KMT2A: variants seen among roughly 807,000 people sequenced by gnomAD.
The protein encoded by KMT2A is histone-lysine N-methyltransferase 2A.
In KMT2A, 16 loss-of-function variants were observed where a neutral mutation model predicts 345.3. The ratio of observed to expected loss-of-function variants is 0.05; its 90% confidence interval spans 0.03 to 0.07. KMT2A has a LOEUF of 0.07. Ranked by LOEUF, KMT2A falls within the 10% of genes least tolerant of loss-of-function variation. The probability of loss-of-function intolerance (pLI) is 1.00; values close to 1 mark genes in which losing one functional copy is unlikely to be tolerated. For synonymous variants in KMT2A, 1,599 were observed against 1,778.6 expected, an observed-to-expected ratio of 0.90 and a Z score of 2.54; for missense variants, 3,272 against 4,841.6, an observed-to-expected ratio of 0.68 and a Z score of 9.62.
chr11:118,494,345 G>A lies in KMT2A; in HGVS notation c.5236G>A (p.Gly1746Arg). The A allele has an allele frequency of 6.2e-7, 1 of 1,611,378 alleles. No individual in the cohort carries two copies. The highest frequency in any genetic ancestry group is 8.5e-7 in the Non-Finnish European group (1 of 1,177,556). ...IIQAAINSDGGQPEIKKANSM... is the reference protein window; with the variant it reads ...IIQAAINSDGRQPEIKKANSM... ...TCAAGCAGCCATTAATTCAGATGGAGGACAGCCAGAAATTAAAAAAGCCAA... is the reference window on the plus strand; with the variant it reads ...TCAAGCAGCCATTAATTCAGATGGAAGACAGCCAGAAATTAAAAAAGCCAA... The change falls in exon 17 of 36, where the codon GGA becomes AGA. Residue 1746 changes from glycine to arginine, a missense_variant. Physicochemically the swap from Gly to Arg is moderately radical, Grantham distance 125. This residue lies in a region of KMT2A where 235 missense variants were observed against 503.4 expected (regional missense o/e 0.47). Coordinates refer to ENST00000534358, the MANE Select transcript of KMT2A (RefSeq NM_001197104.2). The surrounding 1 kb of genome is among the most constrained non-coding windows in gnomAD (Gnocchi z 5.8).
At chr11:118,465,946 A>C (rs12283467) in intron 1 of KMT2A, among the ~76,000 whole-genome samples, 181 of 152,332 alleles carry the variant, frequency 1.2e-3, no homozygotes, top group African/African-American at 4.1e-3. Flanking sequence ...ATTGTAGCCT[A>C]CAAGTGTAAA....
At position 118,503,875 on chromosome 11, in the gene KMT2A, G is replaced by C. The variant is rs142807735; in HGVS notation, c.7983G>C (p.Lys2661Asn). The change falls in exon 27 of 36, where the codon AAG becomes AAC. Residue 2661 changes from lysine (K) to asparagine (N), a missense_variant. Around this residue, in one of 27 missense-constraint regions of KMT2A, gnomAD observed 21 missense variants for 74.6 expected, o/e 0.28. Transcript: ENST00000534358. This position sits in a 1 kb window ranked among gnomAD's most constrained non-coding sequence, Gnocchi z 5.3. ...YSSSTGKKRG[K>N]RSAEGQVDGA... is the part of the protein sequence containing the mutation. The stretch of plus-strand genomic sequence containing the variant: ...GCTCAACTGGGAAGAAGCGAGGCAA[G>C]AGATCAGCTGAAGGACAGGTGGATG... 6.0e-5 allele frequency: 97 copies of C among 1,614,230 alleles called. No individual in the cohort carries two copies. In the African/African-American group the frequency reaches 1.2e-3, roughly 20 times the overall value.
At position 118,505,247 on chromosome 11, in the gene KMT2A, G is replaced by C. The variant is rs1950560997; in HGVS notation, c.9355G>C (p.Glu3119Gln). The stretch of plus-strand genomic sequence containing the variant: ...TGTTAGTTCTACACCCAGTGTGATG[G>C]AGACAAATACTTCAGTATTGGGACC... Reference protein sequence around the residue: ...SSVSSTPSVMETNTSVLGPMG... With the variant: ...SSVSSTPSVMQTNTSVLGPMG... Residue 3119 changes from glutamate to glutamine, a missense_variant, in exon 27 of 36, where the codon GAG becomes CAG. Coordinates refer to ENST00000534358, the MANE Select transcript of KMT2A (RefSeq NM_001197104.2). This position sits in a 1 kb window ranked among gnomAD's most constrained non-coding sequence, Gnocchi z 4.6. The C allele has an allele frequency of 6.2e-7, 1 of 1,614,018 alleles. No individual in the cohort carries two copies. The highest frequency in any genetic ancestry group is 1.3e-5 in the African/African-American group (1 of 74,918).
chr11:118,463,285 T>G (rs1466759758), intron 1 of KMT2A, among the ~76,000 whole-genome samples: 1 of 152,204 alleles, frequency 6.6e-6, no homozygotes, highest in Admixed American at 6.5e-5. Context: ...AATAACTTTT[T>G]ATTACCTGTT....
intron 1 of KMT2A, among the ~76,000 whole-genome samples, chr11:118,464,031 G>A (rs1949795174): frequency 6.6e-6 from 1 of 152,162 alleles, no homozygotes; most frequent in Admixed American, 6.5e-5. Context: ...AGTTTATGGG[G>A]ACAATGCCCC....
Position 118,501,870 on chromosome 11 carries a change from A to T in KMT2A, c.6505+13A>T, listed in dbSNP as rs1246513158. The T allele has an allele frequency of 6.2e-7, 1 of 1,602,376 alleles. No homozygotes were observed. Among genetic ancestry groups the T allele is most frequent in the Non-Finnish European group, 8.5e-7 (1 of 1,173,638 alleles). On this transcript the variant is annotated intron_variant, in intron 26 of 35. Coordinates refer to ENST00000534358, the MANE Select transcript of KMT2A (RefSeq NM_001197104.2). ...TTGCCTTCTGCAGGTAAAAGACTTT[A>T]TTGACCTACTTGACCTAAGAAGATC...
Position 118,501,126 on chromosome 11 carries a change from C to T in KMT2A, c.6298C>T (p.His2100Tyr). The T allele has an allele frequency of 1.2e-6, 2 of 1,613,916 alleles. No homozygotes were observed. Among genetic ancestry groups the T allele is most frequent in the Non-Finnish European group, 1.7e-6 (2 of 1,179,906 alleles). Residue 2100 changes from histidine to tyrosine, a missense_variant, in exon 25 of 36, where the codon CAT (histidine) becomes TAT (tyrosine). Transcript: ENST00000534358. ...VEHDENRTIA[H>Y]SPTSFTESSS... ...ACATGATGAAAACAGGACCATTGCC[C>T]ATAGTCCAACATCTTTTACAGGTTA...
chr11:118,516,447 A>T (rs573834204), intron 31 of KMT2A, among the ~76,000 whole-genome samples: 3 of 152,308 alleles, frequency 2.0e-5, no homozygotes, highest in Admixed American at 1.3e-4. Context: ...GCTGAGCAAC[A>T]CAGTGAAACT....
rs1555047855 is a variant in KMT2A at position 118,505,536 on chromosome 11, C to T, written c.9644C>T (p.Ala3215Val). 6.2e-7 allele frequency: 1 copy of T among 1,614,142 alleles called. No homozygotes were observed. Among genetic ancestry groups the T allele is most frequent in the Middle Eastern group, 1.6e-4 (1 of 6,062 alleles). The change falls in exon 27 of 36, where the codon GCC (alanine) becomes GTC (valine). Residue 3215 changes from alanine to valine, a missense_variant. Around this residue, in one of 27 missense-constraint regions of KMT2A, gnomAD observed 748 missense variants for 922.2 expected, o/e 0.81. Coordinates refer to ENST00000534358, the MANE Select transcript of KMT2A (RefSeq NM_001197104.2). This position sits in a 1 kb window ranked among gnomAD's most constrained non-coding sequence, Gnocchi z 4.6. ...AGGACAGACCTCAGTACCACAGTAG[C>T]CACTCCATCCTCTGGACTCAAGAAA... is the stretch of plus-strand genomic sequence containing the variant. ...SQRTDLSTTV[A>V]TPSSGLKKRP...
At chr11:118,451,963 T>A (rs1379771199) in intron 1 of KMT2A, among the ~76,000 whole-genome samples, 1 of 152,140 alleles carries the variant, frequency 6.6e-6, no homozygotes, top group Non-Finnish European at 1.5e-5. Context: ...ATTTACGGAT[T>A]TAGTGATTCT....
intron 1 of KMT2A, among the ~76,000 whole-genome samples, chr11:118,446,023 A>T (rs1949413636): frequency 1.3e-5 from 2 of 152,078 alleles, no homozygotes; most frequent in South Asian, 4.1e-4. Context: ...GAAAGAAAAA[A>T]AGAAAAGTAC....
At chr11:118,463,517 A>G (rs1949785905) in intron 1 of KMT2A, among the ~76,000 whole-genome samples, 1 of 152,244 alleles carries the variant, frequency 6.6e-6, no homozygotes, top group Non-Finnish European at 1.5e-5. Context: ...GAAAATGGCC[A>G]TCATGTGACT....
At position 118,506,366 on chromosome 11, in the gene KMT2A, G is replaced by A. The variant is rs559663507; in HGVS notation, c.10474G>A (p.Ala3492Thr). Residue 3492 changes from alanine to threonine, a missense_variant, in exon 27 of 36, where the codon GCT becomes ACT. By Grantham distance (58) the Ala-to-Thr change is moderately conservative (BLOSUM62 0). Transcript: ENST00000534358. ...ATCCAACTTTACCCAGACGGTAGAC[G>A]CTCCTAATAGCATGGGACTGGAGCA... ...QVSNFTQTVD[A>T]PNSMGLEQNK... The A allele has an allele frequency of 4.7e-5, 76 of 1,614,134 alleles. No homozygotes were observed. The highest frequency in any genetic ancestry group is 3.8e-4 in the Admixed American group (23 of 60,022).
Position 118,473,220 on chromosome 11 carries a change from G to T in KMT2A, c.2061G>T (p.Arg687Ser). 6.2e-7 allele frequency: 1 copy of T among 1,612,682 alleles called. No individual in the cohort carries two copies. The highest frequency in any genetic ancestry group is 8.5e-7 in the Non-Finnish European group (1 of 1,179,336). The change falls in exon 3 of 36, where the codon AGG becomes AGT. Residue 687 changes from arginine to serine, a missense_variant. Coordinates refer to ENST00000534358, the MANE Select transcript of KMT2A (RefSeq NM_001197104.2). The surrounding 1 kb of genome is among the most constrained non-coding windows in gnomAD (Gnocchi z 5.2). ...TTTCGCCACTCCATTCTGGAACAAG[G>T]TTTGATATGCACAAAAGGAGCCCTC... The part of the protein sequence containing the change: ...RLFSPLHSGT[R>S]FDMHKRSPLL...
chr11:118,442,221 C>T (rs1424532464), intron 1 of KMT2A, among the ~76,000 whole-genome samples: 2 of 152,142 alleles, frequency 1.3e-5, no homozygotes, highest in Non-Finnish European at 2.9e-5. Flanking sequence ...AGCCCAGTGG[C>T]ATAGACCTTT....
rs1555036113 is a variant in KMT2A, at chr11:118,472,818, C to T, written c.1659C>T (p.Pro553=). ...AATTATCAACTCTACAAAGTGCCCC[C>T]CAGCAGCAGACCTCCTCGTCTCCAC... ...TKKLSTLQSA[P]QQQTSSSPPP... is the part of the protein sequence containing the mutation. The change falls in exon 3 of 36, where the codon CCC becomes CCT. Residue 553 remains proline (P), a synonymous_variant. Transcript: ENST00000534358. 1 of 1,613,802 alleles carries T rather than the reference C, an allele frequency of 6.2e-7. No homozygotes were observed. Among genetic ancestry groups the T allele is most frequent in the South Asian group, 1.1e-5 (1 of 91,060 alleles).
chr11:118,499,157 T>A lies in KMT2A; in HGVS notation c.5962-146T>A. The A allele has an allele frequency of 6.6e-6, 4 of 609,294 alleles. No homozygotes were observed. The South Asian group carries it at 9.6e-5, about 15-fold the overall frequency. 37.7% of individuals were successfully genotyped at this position (609,294 alleles called of 1,614,324 possible). On this transcript the variant is annotated intron_variant, in intron 22 of 35. Transcript: ENST00000534358. Reference sequence around the variant, plus strand: ...GGTGTTCCTAGAGGCACCACCTCTTTTGGGAAATACAGAAGTGTCCTGCTA... The same window carrying A: ...GGTGTTCCTAGAGGCACCACCTCTTATGGGAAATACAGAAGTGTCCTGCTA...
In KMT2A at chr11:118,503,625, C is replaced by G; in HGVS notation, c.7733C>G (p.Pro2578Arg). ...GATGGTCCAGTGGCCCAACCAAGCC[C>G]CAATAATACCTCATGCCAGGATTCT... Reference protein sequence around the residue: ...PGDGPVAQPSPNNTSCQDSQS... With the variant: ...PGDGPVAQPSRNNTSCQDSQS... The change falls in exon 27 of 36, where the codon CCC becomes CGC. Residue 2578 changes from proline (P) to arginine (R), a missense_variant. Around this residue, in one of 27 missense-constraint regions of KMT2A, gnomAD observed 445 missense variants for 500.9 expected, o/e 0.89. Transcript: ENST00000534358. The surrounding 1 kb of genome is among the most constrained non-coding windows in gnomAD (Gnocchi z 5.3). The G allele has an allele frequency of 6.2e-7, 1 of 1,614,186 alleles. No individual in the cohort carries two copies. The highest frequency in any genetic ancestry group is 8.5e-7 in the Non-Finnish European group (1 of 1,180,028).
At chr11:118,488,844 A>C in intron 11 of KMT2A, 84 bp downstream of exon 11, 1 of 1,313,710 alleles carries the variant, frequency 7.6e-7, no homozygotes, top group Non-Finnish European at 1.1e-6. Context: ...CTTGGATTGA[A>C]TGTATCTGGG....
Sources: allele counts gnomAD v4.1 joint callset (sites outside exome capture counted in the v4.1 genomes callset), GRCh38; gene constraint gnomAD v4.1.1; regional missense constraint gnomAD v4.1.1; non-coding constraint Gnocchi (gnomAD v3.1); transcripts MANE v1.5; gene names NCBI Gene and HGNC (gene_info 2026-07-23, HGNC 2026-07-21).